The following TET1 variants were observed in gnomAD, a reference collection of about 807,000 sequenced individuals.
The protein encoded by TET1 is methylcytosine dioxygenase TET1.
Under a neutral mutation model 148.7 loss-of-function variants are expected in TET1, and 13 were observed. The observed-to-expected ratio is 0.09, with a 90% CI of 0.06 to 0.14. The LOEUF (loss-of-function observed/expected upper bound fraction) is 0.14. TET1 is among the 10% of genes least tolerant of loss of function. TET1 has a pLI of 1.00. For synonymous variants in TET1, 907 were observed against 937.2 expected, an observed-to-expected ratio of 0.97 and a Z score of 0.59; for missense variants, 2,182 against 2,553.8, an observed-to-expected ratio of 0.85 and a Z score of 3.14.
chr10:68,590,397 G>T (rs2053906110), intron 2 of TET1, among the ~76,000 whole-genome samples: 1 of 151,974 alleles, frequency 6.6e-6, no homozygotes, highest in South Asian at 2.1e-4. Context: ...TTCCCAAATT[G>T]TTGGGATTAC....
intron 3 of TET1, among the ~76,000 whole-genome samples, chr10:68,639,297 C>A (rs1450480017): frequency 6.6e-6 from 1 of 151,824 alleles, no homozygotes; most frequent in Non-Finnish European, 1.5e-5. Flanking sequence ...TCCTGTGAGC[C>A]TGTAATCCCA....
At chr10:68,650,828 CAT>C (rs1262213387) in intron 4 of TET1, among the ~76,000 whole-genome samples, 1 of 152,050 alleles carries the variant, frequency 6.6e-6, no homozygotes, top group Admixed American at 6.6e-5. Flanking sequence ...TTTTAAGAAA[CAT>C]AAAATTCATG....
Position 68,692,467 on chromosome 10 carries a change from A to G in TET1, c.*653A>G, listed in dbSNP as rs947834246. ...CTATTTTTAAAAGTAACTTGAAATA[A>G]TATAGTATAAGAATCCTATTGTCTA... is the stretch of plus-strand genomic sequence containing the variant. On this transcript the variant is annotated 3_prime_UTR_variant, in exon 12 of 12. Transcript: ENST00000373644. 8.6e-6 allele frequency: 2 copies of G among 232,134 alleles called. No individual in the cohort carries two copies. The highest frequency in any genetic ancestry group is 1.7e-5 in the Non-Finnish European group (2 of 117,206). 14.4% of individuals were successfully genotyped at this position (232,134 alleles called of 1,614,324 possible). A position where few individuals can be genotyped will look rare whatever the true frequency, so the allele number is the denominator to read the frequency against.
intron 3 of TET1, among the ~76,000 whole-genome samples, chr10:68,608,010 C>T: frequency 6.6e-6 from 1 of 151,140 alleles, no homozygotes. Flanking sequence ...CTCACTGCAG[C>T]CTCCATCTCC....
intron 6 of TET1, among the ~76,000 whole-genome samples, chr10:68,656,372 C>T (rs981691162): frequency 5.3e-5 from 8 of 152,092 alleles, no homozygotes; most frequent in Non-Finnish European, 1.0e-4. Flanking sequence ...ACACCATTCT[C>T]CTGCCTCAGC....
At chr10:68,618,475 C>T (rs1237330691) in intron 3 of TET1, among the ~76,000 whole-genome samples, 1 of 152,078 alleles carries the variant, frequency 6.6e-6, no homozygotes, top group African/African-American at 2.4e-5. Flanking sequence ...TTAATACAAA[C>T]AAAAGAAGCC....
rs564750754 is a variant in TET1 at position 68,650,416 on chromosome 10, G to A, written c.4277-1430G>A. Among the ~76,000 whole-genome samples, 30 of 152,138 alleles carry A rather than the reference G, an allele frequency of 2.0e-4. No individual in the cohort carries two copies. In the South Asian group the frequency reaches 4.2e-3, roughly 21 times the overall value. On this transcript the variant is annotated intron_variant, in intron 4 of 11. Coordinates refer to ENST00000373644, the MANE Select transcript of TET1 (RefSeq NM_030625.3). ...CCAGCACTTTGGGAGGGGGAGGCGG[G>A]TGGGTCACCTGAGGTCAGGAGTTCG...
Position 68,598,206 on chromosome 10 carries a change from T to G in TET1, c.1915-2775T>G, listed in dbSNP as rs377485854. 8.1e-3 allele frequency among the ~76,000 whole-genome samples: 1,228 copies of G among 152,220 alleles called. 11 individuals are homozygous for G. The highest frequency in any genetic ancestry group is 0.028 in the African/African-American group (1,174 of 41,534). On this transcript the variant is annotated intron_variant, in intron 2 of 11. Coordinates refer to ENST00000373644, the MANE Select transcript of TET1 (RefSeq NM_030625.3). ...GAGTCCGAGACCAGCCTGACCAACA[T>G]GGTGAAACCTCGTCTCCACCAAAAA...
intron 2 of TET1, among the ~76,000 whole-genome samples, chr10:68,580,820 A>ATG (rs2053788968): frequency 6.8e-6 from 1 of 146,530 alleles, no homozygotes; most frequent in Admixed American, 6.9e-5. Context: ...ATATATATAT[A>ATG]TATGGCGTGA....
intron 2 of TET1, among the ~76,000 whole-genome samples, chr10:68,578,900 C>T (rs898012793): frequency 6.6e-6 from 1 of 151,896 alleles, no homozygotes; most frequent in Non-Finnish European, 1.5e-5. Context: ...GCCTGTGGTC[C>T]CAGCTACTTG....
chr10:68,682,513 A>G (rs1375755640), intron 9 of TET1, among the ~76,000 whole-genome samples: 1 of 152,190 alleles, frequency 6.6e-6, no homozygotes, highest in Non-Finnish European at 1.5e-5. Context: ...CTCTGTGTAT[A>G]TGATTAATGC....
At chr10:68,569,296 C>T (rs184930153) in intron 1 of TET1, among the ~76,000 whole-genome samples, 2 of 151,166 alleles carry the variant, frequency 1.3e-5, no homozygotes, top group Middle Eastern at 3.4e-3. Flanking sequence ...CCTCAGCTTC[C>T]CAAGTAGTTG....
intron 2 of TET1, among the ~76,000 whole-genome samples, chr10:68,581,656 A>G (rs2053799538): frequency 1.3e-5 from 2 of 152,176 alleles, no homozygotes; most frequent in African/African-American, 4.8e-5. Flanking sequence ...AGCCCAGGCA[A>G]CATGGTGAAA....
intron 2 of TET1, among the ~76,000 whole-genome samples, chr10:68,599,667 T>C (rs1339576565): frequency 1.3e-5 from 2 of 152,066 alleles, no homozygotes; most frequent in Non-Finnish European, 2.9e-5. Flanking sequence ...TGACCGCGAG[T>C]CTGGTGCGCA....
At chr10:68,616,637 A>T (rs766853514) in intron 3 of TET1, among the ~76,000 whole-genome samples, 1 of 151,904 alleles carries the variant, frequency 6.6e-6, no homozygotes, top group Non-Finnish European at 1.5e-5. Flanking sequence ...TTGGGCTCAC[A>T]CGATCCTCTC....
chr10:68,681,589 A>G (rs2133220842), intron 9 of TET1, 101 bp downstream of exon 9: 2 of 704,304 alleles, frequency 2.8e-6, no homozygotes, highest in South Asian at 4.0e-5. Context: ...AGCTTACTAC[A>G]AACTCCTAAG....
chr10:68,646,409 G>A lies in TET1; in HGVS notation c.3680G>A (p.Arg1227Lys). Residue 1227 changes from arginine (R) to lysine (K), a missense_variant, in exon 4 of 12, where the codon AGG becomes AAG. This residue lies in a region of TET1 where 582 missense variants were observed against 599.5 expected (regional missense o/e 0.97). Transcript: ENST00000373644. ...TKIWKPLAQT[R>K]SIMQPKTVFP... ...ATATGGAAACCACTGGCTCAAACGA[G>A]GTCCATTATGCAACCCAAAACAGTA... The A allele has an allele frequency of 1.2e-6, 2 of 1,614,050 alleles. No individual in the cohort carries two copies. The highest frequency in any genetic ancestry group is 8.5e-7 in the Non-Finnish European group (1 of 1,180,020).
At chr10:68,578,750 G>A (rs2053759884) in intron 2 of TET1, among the ~76,000 whole-genome samples, 1 of 152,106 alleles carries the variant, frequency 6.6e-6, no homozygotes, top group Non-Finnish European at 1.5e-5. Context: ...GGGGGACAAA[G>A]GGGATGCTTT....
intron 6 of TET1, among the ~76,000 whole-genome samples, chr10:68,655,340 G>A (rs1459743445): frequency 1.3e-5 from 2 of 152,040 alleles, no homozygotes; most frequent in Admixed American, 6.6e-5. Flanking sequence ...TTTGTGTCTG[G>A]CCTATCCATA....
Sources: allele counts gnomAD v4.1 joint callset (sites outside exome capture counted in the v4.1 genomes callset), GRCh38; gene constraint gnomAD v4.1.1; regional missense constraint gnomAD v4.1.1; transcripts MANE v1.5; gene names NCBI Gene and HGNC (gene_info 2026-07-23, HGNC 2026-07-21).